Variants in XPOT observed in about 807,000 individuals in gnomAD.
The protein encoded by XPOT is exportin-T.
A neutral mutation model predicts 128.2 loss-of-function variants in XPOT; 34 were observed. That is an observed-to-expected ratio of 0.27 (90% CI 0.20 to 0.35). The LOEUF (loss-of-function observed/expected upper bound fraction) is 0.35. XPOT is among the 10% of genes least tolerant of loss of function. The pLI is 1.00. For missense variants in XPOT, 838 were observed against 1,125.3 expected (o/e 0.74, Z 3.65); for synonymous variants, 348 against 394.3 (o/e 0.88, Z 1.39).
At chr12:64,417,091 C>T (rs1309769536) in intron 4 of XPOT, among the ~76,000 whole-genome samples, 1 of 152,124 alleles carries the variant, frequency 6.6e-6, no homozygotes, top group Non-Finnish European at 1.5e-5. Flanking sequence ...GTGGCATGCA[C>T]CTGTAATCCC....
intron 1 of XPOT, among the ~76,000 whole-genome samples, chr12:64,409,319 A>G (rs1325770685): frequency 6.6e-6 from 1 of 152,244 alleles, no homozygotes; most frequent in African/African-American, 2.4e-5. Context: ...AGTACTAGAG[A>G]TAAGTAAAAC....
Position 64,423,228 on chromosome 12 carries a change from A to G in XPOT, c.1166A>G (p.Tyr389Cys). The change falls in exon 11 of 25, where the codon TAT (tyrosine) becomes TGT (cysteine). Residue 389 changes from tyrosine to cysteine, a missense_variant. Transcript: ENST00000332707. ...VMKKLTYDEE[Y>C]NFENEGEDEA... ...AAAAAATTGACTTACGATGAAGAAT[A>G]TAACTTTGAAAATGAGGTAAGAATT... 6.3e-7 allele frequency: 1 copy of G among 1,582,792 alleles called. No individual in the cohort carries two copies. Among genetic ancestry groups the G allele is most frequent in the Non-Finnish European group, 8.5e-7 (1 of 1,170,926 alleles).
intron 1 of XPOT, among the ~76,000 whole-genome samples, chr12:64,406,679 AT>A (rs1002661037): frequency 5.9e-5 from 9 of 151,990 alleles, no homozygotes; most frequent in Admixed American, 5.2e-4. Flanking sequence ...CCTGGCCAGC[AT>A]TTTTTTAAAA....
chr12:64,422,384 A>T (rs1198142293), intron 9 of XPOT, among the ~76,000 whole-genome samples: 1 of 152,202 alleles, frequency 6.6e-6, no homozygotes, highest in South Asian at 2.1e-4. Context: ...GAAAGGTATG[A>T]TCACTATTGG....
At chr12:64,441,109 G>A (rs539027321) in intron 23 of XPOT, among the ~76,000 whole-genome samples, 1 of 152,244 alleles carries the variant, frequency 6.6e-6, no homozygotes, top group African/African-American at 2.4e-5. Flanking sequence ...GTTGATTTTT[G>A]TGTAAGATAA....
rs1285712663 is a variant in XPOT at position 64,450,030 on chromosome 12, A to T, written c.*1899A>T. 6.6e-6 allele frequency: 1 copy of T among 152,260 alleles called. No individual in the cohort carries two copies. The highest frequency in any genetic ancestry group is 2.4e-5 in the African/African-American group (1 of 41,468). 9.4% of individuals were successfully genotyped at this position (152,260 alleles called of 1,614,324 possible). A position where few individuals can be genotyped will look rare whatever the true frequency, so the allele number is the denominator to read the frequency against. On this transcript the variant is annotated 3_prime_UTR_variant, in exon 25 of 25. Transcript: ENST00000332707. The stretch of plus-strand genomic sequence containing the variant: ...AATGGTAGCTACCTCAAACCTCATT[A>T]CGAATTCAATGAGTTAAACTTGAAA...
Position 64,449,958 on chromosome 12 carries a change from T to C in XPOT, c.*1827T>C, listed in dbSNP as rs911048178. ...ACTGGTTTTAGAACCTTGGGCAAGT[T>C]AAAGAATGTCTCCCAGCCTCAGTTT... is the stretch of plus-strand genomic sequence containing the variant. On this transcript the variant is annotated 3_prime_UTR_variant, in exon 25 of 25. Coordinates refer to ENST00000332707, the MANE Select transcript of XPOT (RefSeq NM_007235.6). The C allele has an allele frequency of 1.8e-4, 28 of 152,192 alleles. No homozygotes were observed. Among genetic ancestry groups the C allele is most frequent in the African/African-American group, 5.8e-4 (24 of 41,436 alleles). The allele number at this position is 152,192 out of a possible 1,614,324, so 9.4% of individuals were successfully genotyped here.
intron 2 of XPOT, among the ~76,000 whole-genome samples, chr12:64,414,457 GT>G (rs2040068525): frequency 6.6e-6 from 1 of 152,156 alleles, no homozygotes; most frequent in Non-Finnish European, 1.5e-5. Context: ...TACACAGTAT[GT>G]TTTATCTTTT....
chr12:64,431,900 C>G, intron 18 of XPOT, 77 bp downstream of exon 18: 1 of 1,480,090 alleles, frequency 6.8e-7, no homozygotes, highest in Non-Finnish European at 9.0e-7. Flanking sequence ...TCGGATTTTG[C>G]CCTTGGGTTT....
At chr12:64,414,204 T>G (rs1295740283) in intron 2 of XPOT, among the ~76,000 whole-genome samples, 1 of 152,246 alleles carries the variant, frequency 6.6e-6, no homozygotes, top group Non-Finnish European at 1.5e-5. Context: ...CGTATGGACT[T>G]GGTGCTGCAT....
rs953082799 is a variant in XPOT at position 64,411,863 on chromosome 12, G to A, written c.60+1768G>A. ...GTCAACCATTAGAAAAAAGGTATGG[G>A]GTAGAACTAGGTGGTGAAAGCTAGG... On this transcript the variant is annotated intron_variant, in intron 2 of 24. Coordinates refer to ENST00000332707, the MANE Select transcript of XPOT (RefSeq NM_007235.6). Among the ~76,000 whole-genome samples the A allele has an allele frequency of 4.6e-5, 7 of 151,112 alleles. No homozygotes were observed. The South Asian group carries it at 1.3e-3, about 27-fold the overall frequency.
chr12:64,435,798 G>A, intron 22 of XPOT, 124 bp downstream of exon 22: 1 of 901,060 alleles, frequency 1.1e-6, no homozygotes, highest in Non-Finnish European at 1.6e-6. Flanking sequence ...TGGGGAAAGG[G>A]GATGAATGAA....
intron 2 of XPOT, among the ~76,000 whole-genome samples, chr12:64,414,646 T>C (rs1050726199): frequency 6.6e-6 from 1 of 152,236 alleles, no homozygotes; most frequent in Non-Finnish European, 1.5e-5. Flanking sequence ...CCATGAAGGC[T>C]GCGGGGCATT....
Position 64,433,618 on chromosome 12 carries a change from C to T in XPOT, c.2452+15C>T, listed in dbSNP as rs1261357204. 1 of 1,575,050 alleles carries T rather than the reference C, an allele frequency of 6.3e-7. No individual in the cohort carries two copies. Among genetic ancestry groups the T allele is most frequent in the African/African-American group, 1.4e-5 (1 of 73,938 alleles). On this transcript the variant is annotated intron_variant, in intron 19 of 24. Coordinates refer to ENST00000332707, the MANE Select transcript of XPOT (RefSeq NM_007235.6). ...AGCAAATCAAGGTGGGAACACATGC[C>T]ATATCTAATTTGTCTGCTTAAGTCT...
At chr12:64,413,429 T>C (rs2040058552) in intron 2 of XPOT, among the ~76,000 whole-genome samples, 1 of 152,202 alleles carries the variant, frequency 6.6e-6, no homozygotes, top group Non-Finnish European at 1.5e-5. Context: ...CCCAAAGGAC[T>C]CATTATAAAT....
At chr12:64,407,658 C>T (rs896807170) in intron 1 of XPOT, among the ~76,000 whole-genome samples, 2 of 151,994 alleles carry the variant, frequency 1.3e-5, no homozygotes, top group Admixed American at 6.6e-5. Context: ...CAGGGGTTAA[C>T]CTACTAACAA....
At chr12:64,428,638 C>G (rs554148149) in intron 16 of XPOT, among the ~76,000 whole-genome samples, 23 of 151,676 alleles carry the variant, frequency 1.5e-4, no homozygotes, top group Admixed American at 1.4e-3. Flanking sequence ...TGTTAAAATC[C>G]TGAAATCCTA....
intron 8 of XPOT, among the ~76,000 whole-genome samples, chr12:64,420,813 T>G (rs2040130927): frequency 6.6e-6 from 1 of 152,188 alleles, no homozygotes; most frequent in African/African-American, 2.4e-5. Context: ...TTTTGTTTTG[T>G]TTTTTGAGAT....
In XPOT at chr12:64,429,943, T is replaced by C. The variant is rs573743309; in HGVS notation, c.1738-106T>C. The C allele has an allele frequency of 1.9e-5, 19 of 1,022,768 alleles. No individual in the cohort carries two copies. In the South Asian group the frequency reaches 3.2e-4, roughly 17 times the overall value. The allele number at this position is 1,022,768 out of a possible 1,614,324, so 63.4% of individuals were successfully genotyped here. On this transcript the variant is annotated intron_variant, in intron 16 of 24. Coordinates refer to ENST00000332707, the MANE Select transcript of XPOT (RefSeq NM_007235.6). ...TTTGTCTTTATAAGTATTTGACATATGAGTTGGTGTGATAGATTACATTTC... is the reference window on the plus strand; with the variant it reads ...TTTGTCTTTATAAGTATTTGACATACGAGTTGGTGTGATAGATTACATTTC...
Sources: gnomAD v4.1 joint callset for allele counts (sites outside exome capture counted in the v4.1 genomes callset) on GRCh38, gnomAD v4.1.1 for gene constraint, MANE v1.5 for transcripts, NCBI Gene and HGNC (gene_info 2026-07-23, HGNC 2026-07-21) for gene names.